Variants in PGLYRP3 observed in about 807,000 individuals in gnomAD.
PGLYRP3 encodes peptidoglycan recognition protein 3.
A neutral mutation model predicts 36.0 loss-of-function variants in PGLYRP3; 39 were observed. The ratio of observed to expected loss-of-function variants is 1.08; its 90% CI spans 0.84 to 1.41. PGLYRP3 has a LOEUF of 1.41. Among genes scored for constraint, PGLYRP3 ranks in the 40% most tolerant of loss-of-function variants. The pLI, the probability that PGLYRP3 is intolerant of heterozygous loss-of-function variation, is 0.00. For missense variants in PGLYRP3, 407 were observed against 427.9 expected (o/e 0.95, Z 0.43); for synonymous variants, 204 against 172.8 (o/e 1.18, Z -1.42).
intron 1 of PGLYRP3, among the ~76,000 whole-genome samples, chr1:153,312,353 T>C (rs552075752): frequency 1.8e-4 from 28 of 152,226 alleles, no homozygotes; most frequent in African/African-American, 6.5e-4. Flanking sequence ...TGAGACATAA[T>C]AGATAAGAAT....
chr1:153,307,324 G>A, intron 2 of PGLYRP3, 57 bp from the exon 3 acceptor site: 1 of 1,504,842 alleles, frequency 6.6e-7, no homozygotes, highest in Non-Finnish European at 9.0e-7. Flanking sequence ...TCCCCCAACA[G>A]GTCGACCATG....
chr1:153,304,235 ACTCCAT>A (rs531912447), intron 4 of PGLYRP3, among the ~76,000 whole-genome samples: 48 of 152,138 alleles, frequency 3.2e-4, no homozygotes, highest in African/African-American at 9.4e-4. Context: ...GACTTTATCC[ACTCCAT>A]CTCTAGGCAG....
chr1:153,308,000 CT>C (rs34266664), intron 2 of PGLYRP3, among the ~76,000 whole-genome samples: 60 of 145,210 alleles, frequency 4.1e-4, no homozygotes, highest in Admixed American at 6.2e-4. Flanking sequence ...TTCTCTCTCT[CT>C]TTTTTTTTTT....
At chr1:153,306,800 T>C (rs1659748676) in intron 3 of PGLYRP3, among the ~76,000 whole-genome samples, 1 of 152,160 alleles carries the variant, frequency 6.6e-6, no homozygotes, top group South Asian at 2.1e-4. Context: ...TTCCAAGGAC[T>C]CAGTTAAAAC....
intron 2 of PGLYRP3, among the ~76,000 whole-genome samples, chr1:153,307,900 G>A (rs565995428): frequency 6.6e-6 from 1 of 152,190 alleles, no homozygotes; most frequent in East Asian, 1.9e-4. Context: ...CATCATGGGA[G>A]CCCCAGGAGC....
chr1:153,305,058 C>A lies in PGLYRP3; in HGVS notation c.265G>T (p.Val89Phe). 6.2e-7 allele frequency: 1 copy of A among 1,609,578 alleles called. No homozygotes were observed. Among genetic ancestry groups the A allele is most frequent in the African/African-American group, 1.3e-5 (1 of 74,778 alleles). The change falls in exon 4 of 8, where the codon GTT (valine) becomes TTT (phenylalanine). Residue 89 changes from valine (V) to phenylalanine (F), a missense_variant. Coordinates refer to ENST00000683862, the MANE Select transcript of PGLYRP3 (RefSeq NM_052891.3). ...TCATACACCCTGCCATCATCCCCAA[C>A]CAGGAAGCTGACAAGAAGGAAATAA... ...GWCDVAYNFLVGDDGRVYEGV... is the reference protein window; with the variant it reads ...GWCDVAYNFLFGDDGRVYEGV...
At chr1:153,305,111 A>G in intron 3 of PGLYRP3, 46 bp from the exon 4 acceptor site, 1 of 1,510,554 alleles carries the variant, frequency 6.6e-7, no homozygotes, top group Non-Finnish European at 9.1e-7. Flanking sequence ...TCCATAAATG[A>G]AAACCTCTCA....
intron 3 of PGLYRP3, 67 bp downstream of exon 3, chr1:153,306,999 G>C: frequency 6.8e-7 from 1 of 1,474,842 alleles, no homozygotes; most frequent in Non-Finnish European, 9.4e-7. Flanking sequence ...GAGCCACAGA[G>C]AAGGGGAAGT....
chr1:153,312,602 T>TACAC (rs3840431), intron 1 of PGLYRP3, among the ~76,000 whole-genome samples, 41 bp downstream of exon 1: 1,991 of 149,916 alleles, frequency 0.013, 36 homozygotes, highest in African/African-American at 0.04. Context: ...TCTAAAGAAA[T>TACAC]ACACACACAC....
At position 153,297,388 on chromosome 1, in the gene PGLYRP3, T is replaced by G. The variant is rs1571095934; in HGVS notation, c.*568A>C. On this transcript the variant is annotated 3_prime_UTR_variant, in exon 8 of 8. Transcript: ENST00000683862. ...ACTGACCTAGGTCATGGGTGAGGGA[T>G]GAAGGGTGGGGGCTTCCAGGCAGAA... Among the ~76,000 whole-genome samples, 1 of 125,022 alleles carries G rather than the reference T, an allele frequency of 8.0e-6. No individual in the cohort carries two copies. Among genetic ancestry groups the G allele is most frequent in the African/African-American group, 3.3e-5 (1 of 30,308 alleles). The allele number at this position is 125,022 out of a possible 152,430, so 82.0% of individuals were successfully genotyped here.
chr1:153,297,828 C>A lies in PGLYRP3; in HGVS notation c.*128G>T, dbSNP rs148990111. The A allele has an allele frequency of 8.4e-6, 9 of 1,071,176 alleles. No homozygotes were observed. Among genetic ancestry groups the A allele is most frequent in the Non-Finnish European group, 1.1e-5 (8 of 736,486 alleles). The allele number at this position is 1,071,176 out of a possible 1,614,324, so 66.4% of individuals were successfully genotyped here. A position where few individuals can be genotyped will look rare whatever the true frequency, so the allele number is the denominator to read the frequency against. ...GGATGTTGGCAGGAAAGGACATGACCATTCAAACCTGAGAAAGGATGGGCT... is the reference window on the plus strand; with the variant it reads ...GGATGTTGGCAGGAAAGGACATGACAATTCAAACCTGAGAAAGGATGGGCT... On this transcript the variant is annotated 3_prime_UTR_variant, in exon 8 of 8. Transcript: ENST00000683862.
chr1:153,302,719 A>T, intron 5 of PGLYRP3, 112 bp from the exon 6 acceptor site: 1 of 958,114 alleles, frequency 1.0e-6, no homozygotes, highest in South Asian at 1.5e-5. Context: ...TCCAGCACCC[A>T]CGGGCACATC....
chr1:153,307,411 G>T, intron 2 of PGLYRP3, 144 bp from the exon 3 acceptor site: 1 of 730,902 alleles, frequency 1.4e-6, no homozygotes, highest in Non-Finnish European at 2.3e-6. Flanking sequence ...CACCACCAAA[G>T]CCCCCTCCTT....
intron 2 of PGLYRP3, 129 bp downstream of exon 2, chr1:153,310,482 C>G (rs753677456): frequency 2.9e-5 from 26 of 907,870 alleles, no homozygotes; most frequent in Non-Finnish European, 4.5e-5. Flanking sequence ...TAGAACAGGG[C>G]TCCAAATTGC....
intron 3 of PGLYRP3, among the ~76,000 whole-genome samples, chr1:153,306,340 T>C (rs1428423545): frequency 6.6e-6 from 1 of 152,246 alleles, no homozygotes; most frequent in African/African-American, 2.4e-5. Context: ...ATGTGTCTCC[T>C]CATTCTTGAG....
chr1:153,299,604 G>T (rs777012933), intron 6 of PGLYRP3, among the ~76,000 whole-genome samples: 1 of 151,976 alleles, frequency 6.6e-6, no homozygotes, highest in Non-Finnish European at 1.5e-5. Flanking sequence ...TCCTCCTCCT[G>T]CTGCTCCCTC....
rs1659665372 is a variant in PGLYRP3 at position 153,303,885 on chromosome 1, G to T, written c.501C>A (p.Asp167Glu). 1 of 1,613,584 alleles carries T rather than the reference G, an allele frequency of 6.2e-7. No individual in the cohort carries two copies. The highest frequency in any genetic ancestry group is 8.5e-7 in the Non-Finnish European group (1 of 1,179,888). The change falls in exon 5 of 8, where the codon GAC (aspartate) becomes GAA (glutamate). Residue 167 changes from aspartate to glutamate, a missense_variant. Coordinates refer to ENST00000683862, the MANE Select transcript of PGLYRP3 (RefSeq NM_052891.3). Reference sequence around the variant, plus strand: ...TCCTGGGCATCACTGGATGTTGAGGGTCCAGGCAGGTCTCTTCTTTCAGAA... The same window carrying T: ...TCCTGGGCATCACTGGATGTTGAGGTTCCAGGCAGGTCTCTTCTTTCAGAA... Reference protein sequence around the residue: ...PLLLKEETCLDPQHPVMPRKV... With the variant: ...PLLLKEETCLEPQHPVMPRKV...
Position 153,297,858 on chromosome 1 carries a change from G to A in PGLYRP3, c.*98C>T, listed in dbSNP as rs1210872350. 1.5e-6 allele frequency: 2 copies of A among 1,343,938 alleles called. No homozygotes were observed. Among genetic ancestry groups the A allele is most frequent in the African/African-American group, 1.5e-5 (1 of 68,940 alleles). The allele number at this position is 1,343,938 out of a possible 1,614,324, so 83.3% of individuals were successfully genotyped here. A position where few individuals can be genotyped will look rare whatever the true frequency, so the allele number is the denominator to read the frequency against. On this transcript the variant is annotated 3_prime_UTR_variant, in exon 8 of 8. Transcript: ENST00000683862. ...AAACCTGAGAAAGGATGGGCTGGCAGGGGAGGGGGACACAAGGTGCTGAGC... is the reference window on the plus strand; with the variant it reads ...AAACCTGAGAAAGGATGGGCTGGCAAGGGAGGGGGACACAAGGTGCTGAGC...
Position 153,298,064 on chromosome 1 carries a change from G to C in PGLYRP3, c.918C>G (p.Tyr306Ter), listed in dbSNP as rs773646455. 6.2e-7 allele frequency: 1 copy of C among 1,614,020 alleles called. No homozygotes were observed. The highest frequency in any genetic ancestry group is 1.1e-5 in the South Asian group (1 of 91,070). Reference protein sequence around the residue: ...DLIQCAVVEGYLTPNYLLMGH... With the variant: ...DLIQCAVVEG The stretch of plus-strand genomic sequence containing the variant: ...CCATCAGCAGGTAGTTTGGAGTCAG[G>C]TACCCCTCAACCACGGCACACTGGA... Residue 306 changes from tyrosine to a stop codon, truncating the protein, a stop_gained, in exon 8 of 8, where the codon TAC becomes TAG. Transcript: ENST00000683862. LOFTEE classifies it high-confidence loss of function.
Sources: allele counts gnomAD v4.1 joint callset (sites outside exome capture counted in the v4.1 genomes callset), GRCh38; gene constraint gnomAD v4.1.1; transcripts MANE v1.5; gene names NCBI Gene and HGNC (gene_info 2026-07-23, HGNC 2026-07-21).